The following COX7A1 variants were observed in gnomAD, a reference collection of about 807,000 sequenced individuals.
COX7A1 encodes cytochrome c oxidase subunit 7A1.
In COX7A1, 21 loss-of-function variants were observed where a neutral mutation model predicts 13.2. That is an observed-to-expected ratio of 1.59 (90% CI 1.13 to 2.29). The LOEUF is 2.29. Ranked by LOEUF, COX7A1 falls within the 30% of genes most tolerant of loss-of-function variation. COX7A1 has a pLI of 0.00. For missense variants in COX7A1, 107 were observed against 100.0 expected (o/e 1.07, Z -0.30); for synonymous variants, 41 against 41.9 (o/e 0.98, Z 0.08).
chr19:36,152,441 C>T lies in COX7A1; in HGVS notation c.-34G>A. 1.5e-6 allele frequency: 2 copies of T among 1,330,722 alleles called. No individual in the cohort carries two copies. Among genetic ancestry groups the T allele is most frequent in the Non-Finnish European group, 1.9e-6 (2 of 1,029,178 alleles). 82.4% of individuals were successfully genotyped at this position (1,330,722 alleles called of 1,614,324 possible). On this transcript the variant is annotated 5_prime_UTR_variant, in exon 1 of 4. Transcript: ENST00000292907. ...GTCCTCTTCCGCCGGAGTCACCTCC[C>T]TTCTCCGCCCAAGGACACGCGTAGT...
At chr19:36,152,238 T>A (rs1168507465) in intron 1 of COX7A1, among the ~76,000 whole-genome samples, 155 bp downstream of exon 1, 1 of 151,902 alleles carries the variant, frequency 6.6e-6, no homozygotes, top group East Asian at 1.9e-4. Flanking sequence ...AAGAGTGGAT[T>A]GTGGGGGAAG....
Position 36,151,475 on chromosome 19 carries a change from C to T in COX7A1, c.174G>A (p.Thr58=), listed in dbSNP as rs1301541694. The change falls in exon 3 of 4, where the codon ACG becomes ACA. Residue 58 remains threonine, a synonymous_variant. Transcript: ENST00000292907. Reference sequence around the variant, plus strand: ...CCCTGCGCTCACCGCCCAGACACAGCGTCATTGTCACTCGGTACAGGATGT... The same window carrying T: ...CCCTGCGCTCACCGCCCAGACACAGTGTCATTGTCACTCGGTACAGGATGT... ...VDNILYRVTM[T]LCLGGTVYSL... The T allele has an allele frequency of 6.2e-7, 1 of 1,614,192 alleles. No individual in the cohort carries two copies. Among genetic ancestry groups the T allele is most frequent in the East Asian group, 2.2e-5 (1 of 44,878 alleles).
At position 36,151,668 on chromosome 19, in the gene COX7A1, CCT is replaced by C; in HGVS notation, c.101_102del (p.Gln34ArgfsTer4). The C allele has an allele frequency of 6.3e-7, 1 of 1,582,634 alleles. No homozygotes were observed. Among genetic ancestry groups the C allele is most frequent in the Non-Finnish European group, 8.6e-7 (1 of 1,165,658 alleles). ...NRVREKQKLF[Q>X]EDNDIPLYLK... ...GATCCCCACCCCCCCCGACCCCCCA[CCT>C]GGAAGAGCTTCTGTTTCTCGCGCAC... On this transcript the variant is annotated frameshift_variant and splice_region_variant, in exon 2 of 4. Transcript: ENST00000292907. LOFTEE classifies it high-confidence loss of function.
chr19:36,151,560 T>TG lies in COX7A1; in HGVS notation c.103-15dup. Reference sequence around the variant, plus strand: ...GTCATTGTCCTCCTGGATGTGGGGGTGTCTGATGAGAAAGGGGTGCTGGCT... The same window carrying TG: ...GTCATTGTCCTCCTGGATGTGGGGGTGGTCTGATGAGAAAGGGGTGCTGGCT... On this transcript the variant is annotated splice_polypyrimidine_tract_variant and intron_variant, in intron 2 of 3. Transcript: ENST00000292907. 6.2e-7 allele frequency: 1 copy of TG among 1,613,690 alleles called. No individual in the cohort carries two copies. The highest frequency in any genetic ancestry group is 8.5e-7 in the Non-Finnish European group (1 of 1,179,892).
In COX7A1 at chr19:36,151,660, AC is replaced by A; in HGVS notation, c.102+8del. ...GCGCGTCGGATCCCCACCCCCCCCG[AC>A]CCCCCACCTGGAAGAGCTTCTGTTT... On this transcript the variant is annotated splice_region_variant and intron_variant, in intron 2 of 3. Coordinates refer to ENST00000292907, the MANE Select transcript of COX7A1 (RefSeq NM_001864.4). 8.3e-7 allele frequency: 1 copy of A among 1,203,894 alleles called. No homozygotes were observed. The highest frequency in any genetic ancestry group is 1.2e-6 in the Non-Finnish European group (1 of 853,212). 74.6% of individuals were successfully genotyped at this position (1,203,894 alleles called of 1,614,324 possible). A position where few individuals can be genotyped will look rare whatever the true frequency, so the allele number is the denominator to read the frequency against.
In COX7A1 at chr19:36,150,989, C is replaced by T. The variant is rs751655527; in HGVS notation, c.233G>A (p.Arg78Lys). The T allele has an allele frequency of 6.2e-7, 1 of 1,614,054 alleles. No individual in the cohort carries two copies. Among genetic ancestry groups the T allele is most frequent in the Non-Finnish European group, 8.5e-7 (1 of 1,179,962 alleles). The change falls in exon 4 of 4, where the codon AGG becomes AAG. Residue 78 changes from arginine (R) to lysine (K), a missense_variant. Transcript: ENST00000292907. ...LYSLGWASFP[R>K]N Reference sequence around the variant, plus strand: ...CCCCCAGGCTTCTTGGTCTTAATTCCTGGGGAAGGAGGCCCAGCCAAGGGA... The same window carrying T: ...CCCCCAGGCTTCTTGGTCTTAATTCTTGGGGAAGGAGGCCCAGCCAAGGGA...
intron 1 of COX7A1, 110 bp downstream of exon 1, chr19:36,152,283 T>C: frequency 3.8e-6 from 3 of 785,354 alleles, no homozygotes; most frequent in Non-Finnish European, 5.5e-6. Flanking sequence ...TCCCAGGCCC[T>C]GAAGGTGGCT....
intron 1 of COX7A1, 112 bp downstream of exon 1, chr19:36,152,281 C>T: frequency 1.3e-6 from 1 of 769,248 alleles, no homozygotes; most frequent in Non-Finnish European, 1.9e-6. Flanking sequence ...AGTCCCAGGC[C>T]CTGAAGGTGG....
chr19:36,152,362 G>C (rs1299928565), intron 1 of COX7A1, 31 bp downstream of exon 1: 3 of 1,326,770 alleles, frequency 2.3e-6, no homozygotes, highest in Non-Finnish European at 2.9e-6. Context: ...TTCTGGGTGG[G>C]GGGCTCCGGC....
At chr19:36,151,793 GGA>G in intron 1 of COX7A1, 38 bp from the exon 2 acceptor site, 3 of 1,538,628 alleles carry the variant, frequency 1.9e-6, no homozygotes, top group Non-Finnish European at 2.7e-6. Flanking sequence ...GGAGGCACCT[GGA>G]GGGGTGTCCT....
intron 1 of COX7A1, chr19:36,152,086 G>C: frequency 1.7e-6 from 1 of 597,610 alleles, no homozygotes; most frequent in South Asian, 2.1e-5. Flanking sequence ...CAGGTCCCGG[G>C]AACGTGGGGA....
chr19:36,152,378 C>A lies in COX7A1; in HGVS notation c.15+15G>T. On this transcript the variant is annotated intron_variant, in intron 1 of 3. Transcript: ENST00000292907. ...TCTGGGTGGGGGGCTCCGGCCCAGC[C>A]CATGGGGGCCTCACCCGAAGGGCCT... 7.4e-7 allele frequency: 1 copy of A among 1,350,020 alleles called. No individual in the cohort carries two copies. The highest frequency in any genetic ancestry group is 9.6e-7 in the Non-Finnish European group (1 of 1,041,348). The allele number at this position is 1,350,020 out of a possible 1,614,324, so 83.6% of individuals were successfully genotyped here. A position where few individuals can be genotyped will look rare whatever the true frequency, so the allele number is the denominator to read the frequency against.
chr19:36,151,818 C>A, intron 1 of COX7A1, 63 bp from the exon 2 acceptor site: 1 of 1,409,380 alleles, frequency 7.1e-7, no homozygotes, highest in Non-Finnish European at 9.8e-7. Flanking sequence ...AGTGGGACCC[C>A]GCTCTCTGAG....
At chr19:36,152,133 G>C in intron 1 of COX7A1, 1 of 579,726 alleles carries the variant, frequency 1.7e-6, no homozygotes, top group Non-Finnish European at 3.1e-6. Flanking sequence ...CAGGCTGCCT[G>C]AGAAGGCCCG....
At chr19:36,151,346 C>G in intron 3 of COX7A1, 116 bp downstream of exon 3, 1 of 1,131,846 alleles carries the variant, frequency 8.8e-7, no homozygotes, top group Non-Finnish European at 1.3e-6. Context: ...ACTCGACCCC[C>G]TTCCTAAACG....
intron 2 of COX7A1, 50 bp from the exon 3 acceptor site, chr19:36,151,596 G>C: frequency 6.2e-7 from 1 of 1,611,792 alleles, no homozygotes; most frequent in African/African-American, 1.3e-5. Flanking sequence ...GCTCCTTAGA[G>C]CGCGCCCCGC....
At chr19:36,152,250 G>T in intron 1 of COX7A1, 143 bp downstream of exon 1, 1 of 580,848 alleles carries the variant, frequency 1.7e-6, no homozygotes. Flanking sequence ...TGGGGGAAGG[G>T]ACCCAGGCTG....
intron 3 of COX7A1, among the ~76,000 whole-genome samples, 158 bp from the exon 4 acceptor site, chr19:36,151,192 C>A (rs1974761613): frequency 6.6e-6 from 1 of 152,130 alleles, no homozygotes; most frequent in South Asian, 2.1e-4. Context: ...TGTAAAGCCC[C>A]CTGGCTTTGA....
chr19:36,151,128 C>G, intron 3 of COX7A1, 94 bp from the exon 4 acceptor site: 1 of 1,302,948 alleles, frequency 7.7e-7, no homozygotes, highest in East Asian at 2.3e-5. Flanking sequence ...GGTTCCCAGC[C>G]TGGACCCCAG....
Sources: allele counts gnomAD v4.1 joint callset (sites outside exome capture counted in the v4.1 genomes callset), GRCh38; gene constraint gnomAD v4.1.1; transcripts MANE v1.5; gene names NCBI Gene and HGNC (gene_info 2026-07-23, HGNC 2026-07-21).